The following PDCD6IP variants were observed in gnomAD, a reference collection of about 807,000 sequenced individuals.
PDCD6IP encodes the protein programmed cell death 6 interacting protein, also known as programmed cell death 6-interacting protein.
A neutral mutation model predicts 103.7 loss-of-function variants in PDCD6IP; 43 were observed. The observed-to-expected ratio is 0.41, with a 90% CI of 0.32 to 0.53. PDCD6IP has a LOEUF of 0.53. Among genes scored for constraint, PDCD6IP ranks in the 20% least tolerant of loss-of-function variants. The pLI, the probability that PDCD6IP is intolerant of heterozygous loss-of-function variation, is 0.16. For synonymous variants in PDCD6IP, 354 were observed against 378.7 expected (o/e 0.93, Z 0.76); for missense variants, 871 against 1,036.7 (o/e 0.84, Z 2.20).
At chr3:33,822,191 A>G (rs3762817) in intron 4 of PDCD6IP, 109 bp downstream of exon 4, 4 of 1,120,494 alleles carry the variant, frequency 3.6e-6, no homozygotes, top group South Asian at 1.5e-5. Flanking sequence ...GATGTTTTCT[A>G]AAACGAATGC....
intron 10 of PDCD6IP, among the ~76,000 whole-genome samples, 176 bp from the exon 11 acceptor site, chr3:33,843,934 CTT>C (rs749421445): frequency 7.6e-4 from 112 of 147,050 alleles, no homozygotes; most frequent in Non-Finnish European, 1.3e-3. Flanking sequence ...ATTTATAAGA[CTT>C]TTTGTTAAAT....
intron 9 of PDCD6IP, among the ~76,000 whole-genome samples, chr3:33,840,067 A>C (rs1229765737): frequency 6.6e-6 from 1 of 152,152 alleles, no homozygotes; most frequent in Non-Finnish European, 1.5e-5. Flanking sequence ...ACCCCCCTGC[A>C]CAGTCAAATC....
intron 1 of PDCD6IP, among the ~76,000 whole-genome samples, chr3:33,806,529 C>G (rs766814169): frequency 3.9e-5 from 6 of 152,176 alleles, no homozygotes; most frequent in Non-Finnish European, 7.4e-5. Context: ...TATGAAGACA[C>G]CAATTTTTTT....
chr3:33,865,169 T>C, intron 16 of PDCD6IP, 74 bp from the exon 17 acceptor site: 1 of 1,030,796 alleles, frequency 9.7e-7, no homozygotes, highest in East Asian at 2.9e-5. Flanking sequence ...TCATATGTCC[T>C]TATTAATTTT....
At chr3:33,842,438 C>T (rs1697496277) in intron 10 of PDCD6IP, among the ~76,000 whole-genome samples, 1 of 151,650 alleles carries the variant, frequency 6.6e-6, no homozygotes, top group Non-Finnish European at 1.5e-5. Flanking sequence ...TTTGTCTTAA[C>T]CTGGAAGGTT....
intron 4 of PDCD6IP, 146 bp from the exon 5 acceptor site, chr3:33,825,041 G>A (rs1697086095): frequency 6.0e-6 from 4 of 664,120 alleles, no homozygotes; most frequent in Non-Finnish European, 1.0e-5. Flanking sequence ...CTGTAGGTCA[G>A]ATGTTTTAGA....
At chr3:33,826,717 A>G in intron 6 of PDCD6IP, 137 bp downstream of exon 6, 3 of 1,189,722 alleles carry the variant, frequency 2.5e-6, no homozygotes, top group Non-Finnish European at 3.4e-6. Flanking sequence ...TAGTAGAAAT[A>G]GTTTTTTTTT....
At chr3:33,860,936 A>C (rs983608086) in intron 15 of PDCD6IP, among the ~76,000 whole-genome samples, 1 of 151,980 alleles carries the variant, frequency 6.6e-6, no homozygotes, top group African/African-American at 2.4e-5. Context: ...AACTACATCT[A>C]TATGGTGAAG....
At chr3:33,798,969 C>T (rs1696400422) in intron 1 of PDCD6IP, 32 bp downstream of exon 1, 1 of 1,484,762 alleles carries the variant, frequency 6.7e-7, no homozygotes, top group African/African-American at 1.4e-5. Flanking sequence ...GGTAGGTTGT[C>T]TGCCAGCCGT....
At chr3:33,854,793 G>T (rs1459021221) in intron 14 of PDCD6IP, 1 of 154,688 alleles carries the variant, frequency 6.5e-6, no homozygotes, top group African/African-American at 2.4e-5. Flanking sequence ...TCTTTTAAGG[G>T]TTTCTGAAGT....
chr3:33,810,676 A>G (rs2125545324), intron 1 of PDCD6IP, among the ~76,000 whole-genome samples: 1 of 152,292 alleles, frequency 6.6e-6, no homozygotes. Flanking sequence ...GTGTGGTGAC[A>G]TGCACCTGTA....
At chr3:33,859,311 G>A (rs1219536633) in intron 15 of PDCD6IP, among the ~76,000 whole-genome samples, 1 of 151,958 alleles carries the variant, frequency 6.6e-6, no homozygotes, top group African/African-American at 2.4e-5. Flanking sequence ...GCTGGGATGA[G>A]CAGGATCTAA....
intron 6 of PDCD6IP, chr3:33,828,384 A>G (rs550417850): frequency 6.6e-6 from 1 of 152,310 alleles, no homozygotes; most frequent in South Asian, 2.1e-4. Context: ...AAACATGATG[A>G]AACAGTAATC....
At chr3:33,865,466 A>T in intron 17 of PDCD6IP, 36 bp downstream of exon 17, 1 of 1,542,954 alleles carries the variant, frequency 6.5e-7, no homozygotes, top group Non-Finnish European at 8.7e-7. Context: ...AAGTTGGCTA[A>T]TGTTGTTTCT....
At chr3:33,863,547 AT>A (rs1697998847) in intron 15 of PDCD6IP, among the ~76,000 whole-genome samples, 1 of 152,216 alleles carries the variant, frequency 6.6e-6, no homozygotes, top group Non-Finnish European at 1.5e-5. Flanking sequence ...TATTTCACTT[AT>A]CATGATGGCC....
At chr3:33,810,109 A>G (rs1455044670) in intron 1 of PDCD6IP, among the ~76,000 whole-genome samples, 1 of 152,202 alleles carries the variant, frequency 6.6e-6, no homozygotes, top group African/African-American at 2.4e-5. Flanking sequence ...GTTTCATTAC[A>G]CACTTTTCAT....
chr3:33,814,569 TATGTATATTTC>T (rs1259203377), intron 3 of PDCD6IP, among the ~76,000 whole-genome samples: 3 of 133,788 alleles, frequency 2.2e-5, no homozygotes, highest in African/African-American at 5.5e-5. Context: ...TTCATGTATA[TATGTATATTTC>T]ATGTATATTA....
At chr3:33,865,861 C>T (rs918860242) in intron 17 of PDCD6IP, among the ~76,000 whole-genome samples, 5 of 152,114 alleles carry the variant, frequency 3.3e-5, no homozygotes, top group Admixed American at 2.0e-4. Flanking sequence ...AAAGGTTAAT[C>T]TCTGTGGTAA....
chr3:33,800,230 A>G (rs1000913624), intron 1 of PDCD6IP, among the ~76,000 whole-genome samples: 1 of 151,198 alleles, frequency 6.6e-6, no homozygotes, highest in Non-Finnish European at 1.5e-5. Flanking sequence ...TGCCTCCGTG[A>G]TGCTTCCCTC....
Sources: allele counts gnomAD v4.1 joint callset (sites outside exome capture counted in the v4.1 genomes callset), GRCh38; gene constraint gnomAD v4.1.1; transcripts MANE v1.5; gene names NCBI Gene and HGNC (gene_info 2026-07-23, HGNC 2026-07-21).